The following AKAP7 variants were observed in gnomAD, a reference collection of about 807,000 sequenced individuals.
AKAP7 encodes the protein A-kinase anchoring protein 7, also known as A kinase (PRKA) anchor protein 7.
In AKAP7, 39 loss-of-function variants were observed where a neutral mutation model predicts 39.5. That is an observed-to-expected ratio of 0.99 (90% confidence interval 0.76 to 1.29). The LOEUF is 1.29. Among genes scored for constraint, AKAP7 ranks in the 50% most tolerant of loss-of-function variants. The pLI is 0.00. For synonymous variants in AKAP7, 140 were observed against 139.1 expected, an observed-to-expected ratio of 1.01 and a Z score of -0.05; for missense variants, 414 against 407.7, an observed-to-expected ratio of 1.02 and a Z score of -0.13.
intron 7 of AKAP7, among the ~76,000 whole-genome samples, chr6:131,245,798 A>G (rs1407192787): frequency 6.6e-6 from 1 of 152,116 alleles, no homozygotes; most frequent in Non-Finnish European, 1.5e-5. Flanking sequence ...TGGTTCCAAA[A>G]TTTAGAAGGA....
At chr6:131,126,036 G>A in the AKAP7 span, among the ~76,000 whole-genome samples, 1 of 152,136 alleles carries the variant, frequency 6.6e-6, no homozygotes, top group Non-Finnish European at 1.5e-5. Flanking sequence ...TTAGAAAAAT[G>A]TTCTGTCTGC....
chr6:131,143,408 C>G (rs1200108651), intron 1 of AKAP7, among the ~76,000 whole-genome samples: 1 of 152,106 alleles, frequency 6.6e-6, no homozygotes, highest in Non-Finnish European at 1.5e-5. Context: ...GGCATCTCTG[C>G]CTCTCTGTCT....
At position 131,282,384 on chromosome 6, in the gene AKAP7, A is replaced by T. The variant is rs1346144359; in HGVS notation, c.*658A>T. 7.6e-6 allele frequency: 11 copies of T among 1,440,812 alleles called. No individual in the cohort carries two copies. In the East Asian group the frequency reaches 1.8e-4, roughly 23 times the overall value. 89.3% of individuals were successfully genotyped at this position (1,440,812 alleles called of 1,614,324 possible). On this transcript the variant is annotated 3_prime_UTR_variant, in exon 8 of 8. Coordinates refer to ENST00000431975, the MANE Select transcript of AKAP7 (RefSeq NM_016377.4). ...ATATTTAATGAAATGTTATTATATAATTTTTTTTTCTTAGGCAAGAAACCT... is the reference window on the plus strand; with the variant it reads ...ATATTTAATGAAATGTTATTATATATTTTTTTTTTCTTAGGCAAGAAACCT...
intron 2 of AKAP7, among the ~76,000 whole-genome samples, chr6:131,150,161 G>T (rs1004726376): frequency 1.3e-5 from 2 of 151,678 alleles, no homozygotes; most frequent in African/African-American, 4.8e-5. Context: ...TCTTTTTTTT[G>T]TGTGTCATGT....
At chr6:131,139,821 C>G (rs1314076145) in intron 1 of AKAP7, among the ~76,000 whole-genome samples, 1 of 152,164 alleles carries the variant, frequency 6.6e-6, no homozygotes, top group Non-Finnish European at 1.5e-5. Flanking sequence ...AGGAAGTTGT[C>G]CCTTTCACTT....
chr6:131,282,291 CT>C lies in AKAP7; in HGVS notation c.*569del. On this transcript the variant is annotated 3_prime_UTR_variant, in exon 8 of 8. Transcript: ENST00000431975. ...TGATATATTTTTGGTGAAATGCAAC[CT>C]TTTCTATAAAATGTGGGCAACATTT... 7.4e-7 allele frequency: 1 copy of C among 1,349,394 alleles called. No homozygotes were observed. Among genetic ancestry groups the C allele is most frequent in the East Asian group, 2.7e-5 (1 of 37,418 alleles). 83.6% of individuals were successfully genotyped at this position (1,349,394 alleles called of 1,614,324 possible).
intron 3 of AKAP7, 64 bp from the exon 4 acceptor site, chr6:131,165,017 C>A: frequency 7.6e-7 from 1 of 1,309,920 alleles, no homozygotes; most frequent in Non-Finnish European, 1.0e-6. Flanking sequence ...TTACATTTTA[C>A]CATAAAGAAA....
chr6:131,182,860 C>T (rs1297301456), intron 5 of AKAP7, among the ~76,000 whole-genome samples: 5 of 151,816 alleles, frequency 3.3e-5, no homozygotes, highest in African/African-American at 7.3e-5. Context: ...ACAGCTTCAT[C>T]GTTCTTTATA....
chr6:131,160,370 G>A (rs1802832689), intron 3 of AKAP7, among the ~76,000 whole-genome samples, 172 bp downstream of exon 3: 1 of 152,194 alleles, frequency 6.6e-6, no homozygotes, highest in African/African-American at 2.4e-5. Context: ...TTAAACAACA[G>A]GTTTGGAAAA....
At chr6:131,131,398 C>T (rs556951216), upstream of AKAP7, among the ~76,000 whole-genome samples, 5 of 151,988 alleles carry the variant, frequency 3.3e-5, no homozygotes, top group Non-Finnish European at 5.9e-5. Flanking sequence ...ACTCTTGCCA[C>T]GCAACAGGCT....
intron 7 of AKAP7, among the ~76,000 whole-genome samples, chr6:131,280,986 C>T (rs563749542): frequency 6.6e-6 from 1 of 152,272 alleles, no homozygotes; most frequent in African/African-American, 2.4e-5. Context: ...ATTAGTCTTA[C>T]AAGCTTACTT....
At position 131,217,788 on chromosome 6, in the gene AKAP7, C is replaced by T. The variant is rs62424662; in HGVS notation, c.703-1873C>T. 5.6e-3 allele frequency among the ~76,000 whole-genome samples: 850 copies of T among 152,210 alleles called. 3 individuals carry two copies. The highest frequency in any genetic ancestry group is 0.01 in the Non-Finnish European group (693 of 67,998). On this transcript the variant is annotated intron_variant, in intron 6 of 7. Coordinates refer to ENST00000431975, the MANE Select transcript of AKAP7 (RefSeq NM_016377.4). Reference sequence around the variant, plus strand: ...TACAAAACGGAAGTGAAGATTATAGCAATAGTGGCTAGTCGGTGCTGCACT... The same window carrying T: ...TACAAAACGGAAGTGAAGATTATAGTAATAGTGGCTAGTCGGTGCTGCACT...
intron 2 of AKAP7, among the ~76,000 whole-genome samples, chr6:131,156,668 G>A (rs867355702): frequency 6.6e-6 from 1 of 151,798 alleles, no homozygotes. Context: ...AACAAAAAAA[G>A]AACTGTTCAG....
chr6:131,135,920 CAG>C lies in AKAP7; in HGVS notation c.19+139_19+140del. The C allele has an allele frequency of 9.8e-6, 10 of 1,015,862 alleles. 2 individuals carry two copies. The South Asian group carries it at 5.0e-4, about 51-fold the overall frequency. The allele number at this position is 1,015,862 out of a possible 1,614,324, so 62.9% of individuals were successfully genotyped here. A position where few individuals can be genotyped will look rare whatever the true frequency, so the allele number is the denominator to read the frequency against. On this transcript the variant is annotated intron_variant, in intron 1 of 7. Transcript: ENST00000431975. Reference sequence around the variant, plus strand: ...AGTCTCCCTCCTTCCCAAAAGGACTCAGGGTAGCACCGAGAAGCCCGGTGCAA... The same window carrying C: ...AGTCTCCCTCCTTCCCAAAAGGACTCGGTAGCACCGAGAAGCCCGGTGCAA...
rs1348620851 is a variant in AKAP7, at chr6:131,165,103, T to G, written c.314T>G (p.Leu105Arg). Reference protein sequence around the residue: ...NKEIIKGIKILQNAIIQQDER... With the variant: ...NKEIIKGIKIRQNAIIQQDER... ...TAGATTATAAAAGGAATTAAGATCC[T>G]GCAGAATGCAATAATACAACAAGAT... Residue 105 changes from leucine (L) to arginine (R), a missense_variant, in exon 4 of 8, where the codon CTG becomes CGG. Coordinates refer to ENST00000431975, the MANE Select transcript of AKAP7 (RefSeq NM_016377.4). 1 of 1,610,210 alleles carries G rather than the reference T, an allele frequency of 6.2e-7. No individual in the cohort carries two copies. Among genetic ancestry groups the G allele is most frequent in the Admixed American group, 1.7e-5 (1 of 59,470 alleles).
At chr6:131,217,918 C>A (rs1414164990) in intron 6 of AKAP7, among the ~76,000 whole-genome samples, 1 of 152,194 alleles carries the variant, frequency 6.6e-6, no homozygotes, top group Non-Finnish European at 1.5e-5. Flanking sequence ...CCTACACACA[C>A]ACACAAGCAT....
At chr6:131,274,535 A>G (rs774537940) in intron 7 of AKAP7, among the ~76,000 whole-genome samples, 11 of 151,894 alleles carry the variant, frequency 7.2e-5, no homozygotes, top group Non-Finnish European at 1.6e-4. Flanking sequence ...ATGTGGTCTC[A>G]CTATGTTGCT....
At chr6:131,184,364 CT>C in intron 5 of AKAP7, 1 of 654,956 alleles carries the variant, frequency 1.5e-6, no homozygotes, top group Non-Finnish European at 2.9e-6. Context: ...AAGCTTTCTC[CT>C]TCAACAGGTC....
At chr6:131,224,041 A>G (rs1809938699) in intron 7 of AKAP7, among the ~76,000 whole-genome samples, 1 of 152,202 alleles carries the variant, frequency 6.6e-6, no homozygotes, top group African/African-American at 2.4e-5. Flanking sequence ...AAACGCTGCC[A>G]ATCTTGTATC....
Sources: allele counts gnomAD v4.1 joint callset (sites outside exome capture counted in the v4.1 genomes callset), GRCh38; gene constraint gnomAD v4.1.1; transcripts MANE v1.5; gene names NCBI Gene and HGNC (gene_info 2026-07-23, HGNC 2026-07-21).